Variants in AHCYL2 observed in about 807,000 individuals in gnomAD.
The protein encoded by AHCYL2 is S-adenosylhomocysteine hydrolase-like protein 2.
AHCYL2 carries 28 observed loss-of-function variants against 81.4 expected under a neutral mutation model. That is an observed-to-expected ratio of 0.34 (90% confidence interval 0.25 to 0.47). The LOEUF is 0.47. Among genes scored for constraint, AHCYL2 ranks in the 20% least tolerant of loss-of-function variants. AHCYL2 has a pLI of 1.00. For missense variants in AHCYL2, 551 were observed against 785.1 expected (o/e 0.70, Z 3.56); for synonymous variants, 272 against 290.2 (o/e 0.94, Z 0.64).
intron 15 of AHCYL2, 142 bp downstream of exon 15, chr7:129,425,283 G>A (rs1304391361): frequency 5.8e-6 from 4 of 692,756 alleles, no homozygotes; most frequent in Non-Finnish European, 9.8e-6. Flanking sequence ...GGATTCCTAG[G>A]TGCCATTCCC....
At chr7:129,409,336 ATTGT>A (rs1796455620) in intron 10 of AHCYL2, 136 bp from the exon 11 acceptor site, 2 of 586,640 alleles carry the variant, frequency 3.4e-6, no homozygotes, top group Non-Finnish European at 5.9e-6. Context: ...AACTAAGGAA[ATTGT>A]TTGGATTTTT....
chr7:129,375,784 A>C (rs1794653907), intron 1 of AHCYL2: 1 of 1,523,430 alleles, frequency 6.6e-7, no homozygotes, highest in Non-Finnish European at 8.8e-7. Context: ...ACCAGAGCCA[A>C]CAGAATTGCT....
chr7:129,332,741 A>G (rs1199976949), intron 1 of AHCYL2, among the ~76,000 whole-genome samples: 1 of 152,190 alleles, frequency 6.6e-6, no homozygotes, highest in African/African-American at 2.4e-5. Flanking sequence ...GACTTTATGC[A>G]TTTCTGTTGC....
Position 129,225,087 on chromosome 7 carries a change from A to C in AHCYL2, c.11A>C (p.Gln4Pro), listed in dbSNP as rs766477052. The C allele has an allele frequency of 6.3e-7, 1 of 1,594,844 alleles. No individual in the cohort carries two copies. Among genetic ancestry groups the C allele is most frequent in the Non-Finnish European group, 8.5e-7 (1 of 1,172,098 alleles). ...GCAGCGGAGGCGGTGATGTCGGTGC[A>C]GGTTGTGTCAGCCGCGGCTGCCGCC... MSV[Q>P]VVSAAAAAKV... The change falls in exon 1 of 17, where the codon CAG becomes CCG. Residue 4 changes from glutamine to proline, a missense_variant. By Grantham distance (76) the Gln-to-Pro change is moderately conservative. Around this residue, in one of 2 missense-constraint regions of AHCYL2, gnomAD observed 235 missense variants for 242.1 expected, o/e 0.97. Transcript: ENST00000325006.
rs1797397056 is a variant in AHCYL2 at position 129,427,078 on chromosome 7, A to G, written c.*33A>G. 9 of 1,587,764 alleles carry G rather than the reference A, an allele frequency of 5.7e-6. No homozygotes were observed. The highest frequency in any genetic ancestry group is 7.8e-6 in the Non-Finnish European group (9 of 1,156,520). ...TAACTCAAACCAGAATTTTTAAGGA[A>G]TAGAACTCCAAGCCTTTTCTCCACT... On this transcript the variant is annotated 3_prime_UTR_variant, in exon 17 of 17. Coordinates refer to ENST00000325006, the MANE Select transcript of AHCYL2 (RefSeq NM_015328.4). The surrounding 1 kb of genome is among the most constrained non-coding windows in gnomAD (Gnocchi z 5.5).
chr7:129,397,144 G>A, intron 4 of AHCYL2, 78 bp from the exon 5 acceptor site: 1 of 1,259,120 alleles, frequency 7.9e-7, no homozygotes, highest in Non-Finnish European at 1.1e-6. Flanking sequence ...TTTTCTGATT[G>A]TAAAATATAT....
intron 1 of AHCYL2, among the ~76,000 whole-genome samples, chr7:129,277,183 G>C (rs971601798): frequency 7.9e-5 from 12 of 151,612 alleles, no homozygotes; most frequent in African/African-American, 2.7e-4. Flanking sequence ...ATATTTAAAG[G>C]TTACAACTTG....
At position 129,405,125 on chromosome 7, in the gene AHCYL2, C is replaced by G; in HGVS notation, c.1054C>G (p.Leu352Val). The change falls in exon 8 of 17, where the codon CTG becomes GTG. Residue 352 changes from leucine (L) to valine (V), a missense_variant. Around this residue, in one of 2 missense-constraint regions of AHCYL2, gnomAD observed 316 missense variants for 543.1 expected, o/e 0.58. Coordinates refer to ENST00000325006, the MANE Select transcript of AHCYL2 (RefSeq NM_015328.4). ...RLYQLSKAGK[L>V]CVPAMNVNDS... ...GTACCAACTGTCCAAAGCTGGGAAG[C>G]TGTGTGTTCCAGCCATGAATGTCAA... 6.2e-7 allele frequency: 1 copy of G among 1,606,346 alleles called. No homozygotes were observed. Among genetic ancestry groups the G allele is most frequent in the Middle Eastern group, 1.7e-4 (1 of 6,052 alleles).
chr7:129,288,774 T>A (rs1378777790), intron 1 of AHCYL2, among the ~76,000 whole-genome samples: 1 of 152,102 alleles, frequency 6.6e-6, no homozygotes, highest in Admixed American at 6.5e-5. Context: ...ATCTATTTAT[T>A]ATTATTATTT....
chr7:129,412,159 G>T (rs1014405191), intron 11 of AHCYL2, among the ~76,000 whole-genome samples: 7 of 151,972 alleles, frequency 4.6e-5, no homozygotes, highest in African/African-American at 1.7e-4. Flanking sequence ...ACCAGCCTGG[G>T]CAACATGGCA....
chr7:129,348,794 C>T (rs936594955), intron 1 of AHCYL2, among the ~76,000 whole-genome samples: 2 of 152,116 alleles, frequency 1.3e-5, no homozygotes, highest in Admixed American at 6.5e-5. Flanking sequence ...GATTGTTAAC[C>T]TGAATGGATC....
intron 1 of AHCYL2, among the ~76,000 whole-genome samples, chr7:129,373,396 A>G (rs1417694801): frequency 2.7e-5 from 4 of 150,920 alleles, no homozygotes; most frequent in Admixed American, 1.3e-4. Context: ...GTTTTTTTTT[A>G]GTAGAAACCC....
intron 1 of AHCYL2, among the ~76,000 whole-genome samples, chr7:129,253,836 T>C (rs1393156178): frequency 6.6e-6 from 1 of 152,156 alleles, no homozygotes; most frequent in Non-Finnish European, 1.5e-5. Context: ...AATATACTTG[T>C]TTAGGTTTTC....
chr7:129,420,099 G>C (rs1797042901), intron 12 of AHCYL2, among the ~76,000 whole-genome samples: 1 of 152,188 alleles, frequency 6.6e-6, no homozygotes, highest in Non-Finnish European at 1.5e-5. Context: ...TTACTGTCAG[G>C]CTTTCACCTA....
intron 10 of AHCYL2, among the ~76,000 whole-genome samples, chr7:129,409,259 G>C (rs1009967220): frequency 6.6e-6 from 1 of 152,138 alleles, no homozygotes; most frequent in Non-Finnish European, 1.5e-5. Context: ...GGTAGCCCCT[G>C]GCTCCCTATT....
At chr7:129,387,116 T>C (rs1044723185) in intron 2 of AHCYL2, among the ~76,000 whole-genome samples, 4 of 152,194 alleles carry the variant, frequency 2.6e-5, no homozygotes, top group African/African-American at 4.8e-5. Flanking sequence ...TATAGTCTTA[T>C]GACATCCTGA....
rs1055155679 is a variant in AHCYL2, at chr7:129,269,552, G to A, written c.363+44113G>A. On this transcript the variant is annotated intron_variant, in intron 1 of 16. Transcript: ENST00000325006. ...TTCACCCACCTCAACCTCTCAAAGT[G>A]TTGGGATTATAGGCGGGAGCCACTG... Among the ~76,000 whole-genome samples the A allele has an allele frequency of 7.9e-5, 12 of 151,658 alleles. No individual in the cohort carries two copies. The East Asian group carries it at 2.1e-3, about 27-fold the overall frequency.
chr7:129,402,553 G>T (rs993815944), intron 6 of AHCYL2, among the ~76,000 whole-genome samples: 7 of 152,188 alleles, frequency 4.6e-5, no homozygotes, highest in African/African-American at 1.2e-4. Context: ...CCTAGGGAAG[G>T]ACTGAAGTGT....
At chr7:129,296,880 A>G (rs1455962211) in intron 1 of AHCYL2, among the ~76,000 whole-genome samples, 1 of 152,254 alleles carries the variant, frequency 6.6e-6, no homozygotes, top group Non-Finnish European at 1.5e-5. Flanking sequence ...GATACTAGGT[A>G]GTTTAAAACA....
Sources: allele counts gnomAD v4.1 joint callset (sites outside exome capture counted in the v4.1 genomes callset), GRCh38; gene constraint gnomAD v4.1.1; regional missense constraint gnomAD v4.1.1; non-coding constraint Gnocchi (gnomAD v3.1); transcripts MANE v1.5; gene names NCBI Gene and HGNC (gene_info 2026-07-23, HGNC 2026-07-21).